The following SNX25 variants were observed in gnomAD, a reference collection of about 807,000 sequenced individuals.
SNX25 encodes the protein sorting nexin-25.
SNX25 carries 62 observed loss-of-function variants against 113.7 expected under a neutral mutation model. The ratio of observed to expected loss-of-function variants is 0.55; its 90% CI spans 0.44 to 0.67. The LOEUF (loss-of-function observed/expected upper bound fraction) is 0.67. SNX25 is among the 30% of genes least tolerant of loss of function. The probability of loss-of-function intolerance (pLI) is 0.00; values close to 1 mark genes in which losing one functional copy is unlikely to be tolerated. For synonymous variants in SNX25, 421 were observed against 436.2 expected (o/e 0.97, Z 0.43); for missense variants, 1,014 against 1,161.0 (o/e 0.87, Z 1.84).
intron 2 of SNX25, among the ~76,000 whole-genome samples, chr4:185,248,623 A>G (rs1320287475): frequency 6.6e-6 from 1 of 152,220 alleles, no homozygotes; most frequent in Non-Finnish European, 1.5e-5. Context: ...ACCGCACTCC[A>G]GCCTGGGCAA....
chr4:185,284,486 A>G (rs1473111338), intron 5 of SNX25, among the ~76,000 whole-genome samples: 1 of 152,220 alleles, frequency 6.6e-6, no homozygotes, highest in Non-Finnish European at 1.5e-5. Context: ...ACAAGTAGGA[A>G]GACTGCCTTC....
chr4:185,253,451 C>CTT (rs139415626), intron 2 of SNX25, among the ~76,000 whole-genome samples: 50,537 of 149,878 alleles, frequency 0.34, 10,365 homozygotes, highest in East Asian at 0.56. Context: ...ACATTTCAGA[C>CTT]TTTTTTTTCT....
chr4:185,346,750 C>A, intron 13 of SNX25, 100 bp downstream of exon 13: 1 of 735,554 alleles, frequency 1.4e-6, no homozygotes, highest in Admixed American at 3.3e-5. Flanking sequence ...TTTGTTCTCA[C>A]AAGCCATGCT....
chr4:185,277,569 TG>T (rs952948109), intron 5 of SNX25, among the ~76,000 whole-genome samples: 11 of 152,030 alleles, frequency 7.2e-5, no homozygotes, highest in African/African-American at 2.7e-4. Flanking sequence ...AACGTGGACT[TG>T]GGGAGAGATT....
Position 185,351,617 on chromosome 4 carries a change from G to T in SNX25, c.2466+8G>T. On this transcript the variant is annotated splice_region_variant and intron_variant, in intron 14 of 18. Transcript: ENST00000652585. Reference sequence around the variant, plus strand: ...TTCTTCTCCCACCAGGAGGTGAGCCGTTGAAAGAGTGAACCACTTTTGTAG... The same window carrying T: ...TTCTTCTCCCACCAGGAGGTGAGCCTTTGAAAGAGTGAACCACTTTTGTAG... 6.2e-7 allele frequency: 1 copy of T among 1,612,886 alleles called. No individual in the cohort carries two copies. The highest frequency in any genetic ancestry group is 8.5e-7 in the Non-Finnish European group (1 of 1,179,502).
chr4:185,332,644 A>G lies in SNX25; in HGVS notation c.1799A>G (p.Gln600Arg). 2 of 1,614,136 alleles carry G rather than the reference A, an allele frequency of 1.2e-6. No homozygotes were observed. Among genetic ancestry groups the G allele is most frequent in the South Asian group, 1.1e-5 (1 of 91,076 alleles). Residue 600 changes from glutamine to arginine, a missense_variant, in exon 10 of 19, where the codon CAG becomes CGG. Transcript: ENST00000652585. ...GAAGCCGTGGATGATGGTACCAATC[A>G]GATCAATGAACAAGCCAGTTTTGCT... The part of the protein sequence containing the change: ...GEEAVDDGTN[Q>R]INEQASFAVN...
chr4:185,288,918 A>G (rs540887423), intron 6 of SNX25, among the ~76,000 whole-genome samples: 10 of 152,314 alleles, frequency 6.6e-5, no homozygotes, highest in African/African-American at 1.9e-4. Flanking sequence ...GTCTCCGCCA[A>G]GGAGAGGGAG....
upstream of SNX25, among the ~76,000 whole-genome samples, chr4:185,207,279 C>G (rs532356203): frequency 4.5e-4 from 57 of 126,354 alleles, no homozygotes; most frequent in African/African-American, 1.7e-3. Flanking sequence ...TGCAGTGGTG[C>G]GATCTCGGCT....
chr4:185,247,191 A>G (rs1426227407), intron 1 of SNX25, 103 bp from the exon 2 acceptor site: 4 of 763,618 alleles, frequency 5.2e-6, no homozygotes, highest in Non-Finnish European at 8.7e-6. Flanking sequence ...GTTAAGCCTT[A>G]TCTTAATGCT....
chr4:185,353,515 G>T lies in SNX25; in HGVS notation c.2497G>T (p.Asp833Tyr). The T allele has an allele frequency of 1.2e-6, 2 of 1,614,230 alleles. No homozygotes were observed. Among genetic ancestry groups the T allele is most frequent in the Non-Finnish European group, 1.7e-6 (2 of 1,180,032 alleles). ...EETEEDSDLS[D>Y]YGDDVDGRKD... ...GACAGAGGAGGACAGTGACCTGTCA[G>T]ATTATGGTGATGATGTGGATGGGAG... Residue 833 changes from aspartate to tyrosine, a missense_variant, in exon 15 of 19, where the codon GAT (aspartate) becomes TAT (tyrosine). By Grantham distance (160) the Asp-to-Tyr change is radical. Transcript: ENST00000652585.
intron 5 of SNX25, among the ~76,000 whole-genome samples, chr4:185,282,891 A>G (rs1007350544): frequency 6.6e-6 from 1 of 152,176 alleles, no homozygotes; most frequent in Non-Finnish European, 1.5e-5. Flanking sequence ...AAGAAAACCG[A>G]GTGAGTGCCA....
At chr4:185,289,743 T>A (rs1751884257) in intron 6 of SNX25, among the ~76,000 whole-genome samples, 1 of 152,198 alleles carries the variant, frequency 6.6e-6, no homozygotes, top group South Asian at 2.1e-4. Flanking sequence ...GATAATTGTT[T>A]GAAAGAGAAC....
intron 9 of SNX25, among the ~76,000 whole-genome samples, chr4:185,325,166 A>T (rs2095147868): frequency 6.6e-6 from 1 of 152,168 alleles, no homozygotes. Flanking sequence ...TAGAAACAAC[A>T]TTCCTCACCC....
At chr4:185,356,729 A>T (rs779010925) in intron 15 of SNX25, among the ~76,000 whole-genome samples, 2 of 152,176 alleles carry the variant, frequency 1.3e-5, no homozygotes, top group Non-Finnish European at 2.9e-5. Flanking sequence ...CTTAGTGGGT[A>T]CAAGAGCCCC....
rs147726662 is a variant in SNX25 at position 185,241,504 on chromosome 4, C to G, written c.430-5790C>G. ...AGGGAGACTGTGGGGAGAGGGAGAC[C>G]GTGGGGAGAGGGAGAGGGAGAGGAG... is the stretch of plus-strand genomic sequence containing the variant. On this transcript the variant is annotated intron_variant, in intron 1 of 18. Coordinates refer to ENST00000652585, the MANE Select transcript of SNX25 (RefSeq NM_001378034.2). 1.3e-4 allele frequency among the ~76,000 whole-genome samples: 2 copies of G among 15,404 alleles called. 1 individual carries two copies. Among genetic ancestry groups the G allele is most frequent in the South Asian group, 7.1e-3 (2 of 280 alleles). The allele number at this position is 15,404 out of a possible 152,430, so 10.1% of individuals were successfully genotyped here. A position where few individuals can be genotyped will look rare whatever the true frequency, so the allele number is the denominator to read the frequency against.
downstream of SNX25, among the ~76,000 whole-genome samples, chr4:185,367,653 A>G (rs1207735375): frequency 2.0e-5 from 3 of 152,210 alleles, no homozygotes; most frequent in Non-Finnish European, 4.4e-5. Context: ...TATTATGTCT[A>G]AATAGTGACA....
At chr4:185,346,674 T>A in intron 13 of SNX25, 24 bp downstream of exon 13, 1 of 1,452,622 alleles carries the variant, frequency 6.9e-7, no homozygotes, top group Admixed American at 2.3e-5. Context: ...AAATGTGGGA[T>A]ATGAGAGAAA....
chr4:185,331,375 C>G (rs1183224603), intron 9 of SNX25, among the ~76,000 whole-genome samples: 1 of 152,020 alleles, frequency 6.6e-6, no homozygotes, highest in Non-Finnish European at 1.5e-5. Context: ...ATGATAATAC[C>G]CTCAATGCCC....
intron 5 of SNX25, among the ~76,000 whole-genome samples, chr4:185,275,608 G>A (rs1749567560): frequency 6.6e-6 from 1 of 152,090 alleles, no homozygotes; most frequent in Non-Finnish European, 1.5e-5. Flanking sequence ...TCTTAAAATA[G>A]CATGCTTCTT....
Sources: allele counts gnomAD v4.1 joint callset (sites outside exome capture counted in the v4.1 genomes callset), GRCh38; gene constraint gnomAD v4.1.1; transcripts MANE v1.5; gene names NCBI Gene and HGNC (gene_info 2026-07-23, HGNC 2026-07-21).